The following TNIK variants were observed in gnomAD, a reference collection of about 807,000 sequenced individuals.
The protein encoded by TNIK is TRAF2 and NCK-interacting protein kinase.
A neutral mutation model predicts 191.3 loss-of-function variants in TNIK; 49 were observed. The observed-to-expected ratio is 0.26, with a 90% CI of 0.20 to 0.32. The LOEUF (loss-of-function observed/expected upper bound fraction) is 0.32, where lower values mean the gene tolerates loss of function less well. Among genes scored for constraint, TNIK ranks in the 10% least tolerant of loss-of-function variants. The pLI is 1.00. For synonymous variants in TNIK, 594 were observed against 600.9 expected, an observed-to-expected ratio of 0.99 and a Z score of 0.17; for missense variants, 1,155 against 1,702.3, an observed-to-expected ratio of 0.68 and a Z score of 5.66.
chr3:171,265,931 G>A (rs1748341754), intron 2 of TNIK, among the ~76,000 whole-genome samples: 1 of 152,174 alleles, frequency 6.6e-6, no homozygotes, highest in Non-Finnish European at 1.5e-5. Context: ...GTTATCCCAT[G>A]GCTCCTGGGG....
intron 7 of TNIK, among the ~76,000 whole-genome samples, chr3:171,186,741 C>T (rs184371986): frequency 2.0e-5 from 3 of 152,290 alleles, no homozygotes; most frequent in East Asian, 3.9e-4. Context: ...ACTTTTATAG[C>T]CAGGTGAGCC....
intron 2 of TNIK, among the ~76,000 whole-genome samples, chr3:171,339,719 C>T (rs143853292): frequency 1.2e-4 from 18 of 152,328 alleles, no homozygotes; most frequent in African/African-American, 4.3e-4. Context: ...TCTTGGGAAA[C>T]TCCACAAGCT....
intron 4 of TNIK, among the ~76,000 whole-genome samples, chr3:171,209,064 GGTGTGTGTGTGTGT>G (rs61264225): frequency 4.9e-5 from 7 of 142,118 alleles, no homozygotes; most frequent in African/African-American, 1.1e-4. Flanking sequence ...CTTTGGAAGG[GGTGTGTGTGTGTGT>G]GTGTGTGTGT....
chr3:171,066,865 T>A, intron 30 of TNIK, 130 bp from the exon 31 acceptor site: 2 of 1,122,558 alleles, frequency 1.8e-6, no homozygotes, highest in East Asian at 2.6e-5. Context: ...AAATTTGCTT[T>A]AATTTAACCA....
chr3:171,190,702 T>C lies in TNIK; in HGVS notation c.503A>G (p.Lys168Arg). The change falls in exon 6 of 33, where the codon AAA becomes AGA. Residue 168 changes from lysine to arginine, a missense_variant. By Grantham distance (26) the Lys-to-Arg change is conservative (BLOSUM62 2). Transcript: ENST00000436636. ...TCACAGGATTCTGCTCTTACCTAGTTTAACTTCTGCATTTTCAGTCAGCAA... is the reference window on the plus strand; with the variant it reads ...TCACAGGATTCTGCTCTTACCTAGTCTAACTTCTGCATTTTCAGTCAGCAA... ...NVLLTENAEV[K>R]LVDFGVSAQL... 6.3e-7 allele frequency: 1 copy of C among 1,587,934 alleles called. No individual in the cohort carries two copies. Among genetic ancestry groups the C allele is most frequent in the Non-Finnish European group, 8.6e-7 (1 of 1,165,216 alleles).
chr3:171,130,356 CA>C (rs1729075992), intron 15 of TNIK, among the ~76,000 whole-genome samples: 1 of 152,200 alleles, frequency 6.6e-6, no homozygotes, highest in Admixed American at 6.5e-5. Context: ...TCTCTTCCCC[CA>C]CCATGGCTGT....
rs1386063419 is a variant in TNIK at position 171,233,479 on chromosome 3, CATAG to C, written c.124-5262_124-5259del. Among the ~76,000 whole-genome samples the C allele has an allele frequency of 2.6e-5, 4 of 152,152 alleles. No individual in the cohort carries two copies. The East Asian group carries it at 7.7e-4, about 29-fold the overall frequency. On this transcript the variant is annotated intron_variant, in intron 2 of 32. Transcript: ENST00000436636. ...ATCTATCTATCATCTGTGTATCAAT[CATAG>C]ATGCTGCAGTGTGCCACCAAGATTC...
intron 12 of TNIK, among the ~76,000 whole-genome samples, chr3:171,151,189 A>T (rs1453147972): frequency 6.6e-6 from 1 of 152,238 alleles, no homozygotes; most frequent in Non-Finnish European, 1.5e-5. Context: ...GCTAAGATTA[A>T]ACCTTGGCCT....
Position 171,405,508 on chromosome 3 carries a change from T to TA in TNIK, c.58-35824dup, listed in dbSNP as rs10635709. Among the ~76,000 whole-genome samples, 150 of 144,400 alleles carry TA rather than the reference T, an allele frequency of 1.0e-3. 1 individual carries two copies. The highest frequency in any genetic ancestry group is 7.0e-3 in the Middle Eastern group (2 of 284). 94.7% of individuals were successfully genotyped at this position (144,400 alleles called of 152,430 possible). ...GACAACTCTCAATCACCAAATCTGGTAAAAAAAAAAAAATCACAACAAAAA... is the reference window on the plus strand; with the variant it reads ...GACAACTCTCAATCACCAAATCTGGTAAAAAAAAAAAAAATCACAACAAAAA... On this transcript the variant is annotated intron_variant, in intron 1 of 32. Coordinates refer to ENST00000436636, the MANE Select transcript of TNIK (RefSeq NM_015028.4).
At chr3:171,123,281 A>T (rs1413352042) in intron 18 of TNIK, among the ~76,000 whole-genome samples, 1 of 152,212 alleles carries the variant, frequency 6.6e-6, no homozygotes, top group East Asian at 1.9e-4. Flanking sequence ...GTAATGCTTT[A>T]GGGCATTGCA....
At chr3:171,174,195 T>A (rs1460738711) in intron 9 of TNIK, among the ~76,000 whole-genome samples, 1 of 152,140 alleles carries the variant, frequency 6.6e-6, no homozygotes, top group Non-Finnish European at 1.5e-5. Flanking sequence ...GTGGCTCTCA[T>A]TAGTAGATGA....
chr3:171,401,673 G>A (rs1003950880), intron 1 of TNIK, among the ~76,000 whole-genome samples: 1 of 152,164 alleles, frequency 6.6e-6, no homozygotes, highest in Non-Finnish European at 1.5e-5. Flanking sequence ...ACATCGTGGA[G>A]TGATTTTTCC....
In TNIK at chr3:171,093,971, GA is replaced by G. The variant is rs1176748029; in HGVS notation, c.2592-4del. 6.2e-7 allele frequency: 1 copy of G among 1,611,384 alleles called. No individual in the cohort carries two copies. The highest frequency in any genetic ancestry group is 1.1e-5 in the South Asian group (1 of 90,152). The stretch of plus-strand genomic sequence containing the variant: ...TGCTGCCTGGAGCTCCTGTTGGTCT[GA>G]GATGAGAAGGAACAACATTCATGGC... On this transcript the variant is annotated splice_polypyrimidine_tract_variant and splice_region_variant and intron_variant, in intron 22 of 32. Coordinates refer to ENST00000436636, the MANE Select transcript of TNIK (RefSeq NM_015028.4).
chr3:171,210,998 TG>T, intron 4 of TNIK, 117 bp downstream of exon 4: 2 of 1,278,842 alleles, frequency 1.6e-6, no homozygotes, highest in Non-Finnish European at 2.2e-6. Flanking sequence ...ACGGACATCA[TG>T]GGGGCTAATG....
rs183397154 is a variant in TNIK, at chr3:171,430,659, A to G, written c.57+29348T>C. ...CTCAAAAAACAGACAAAAAAAAAAA[A>G]AAAGAAATGAAATTAATATTGTTTT... On this transcript the variant is annotated intron_variant, in intron 1 of 32. Transcript: ENST00000436636. Among the ~76,000 whole-genome samples, 14 of 151,842 alleles carry G rather than the reference A, an allele frequency of 9.2e-5. No individual in the cohort carries two copies. The East Asian group carries it at 2.5e-3, about 27-fold the overall frequency.
chr3:171,080,447 T>A (rs11915856), intron 27 of TNIK, among the ~76,000 whole-genome samples: 3,704 of 120,096 alleles, frequency 0.031, 133 homozygotes, highest in African/African-American at 0.12. Flanking sequence ...TTATTTATTT[T>A]TTTTTGAGAC....
chr3:171,240,064 T>G (rs1363697307), intron 2 of TNIK, among the ~76,000 whole-genome samples: 2 of 152,186 alleles, frequency 1.3e-5, no homozygotes, highest in African/African-American at 4.8e-5. Flanking sequence ...TAGTTAAATT[T>G]AGCTGCGATC....
At chr3:171,190,930 T>TA in intron 5 of TNIK, 143 bp from the exon 6 acceptor site, 1 of 587,448 alleles carries the variant, frequency 1.7e-6, no homozygotes, top group East Asian at 2.9e-5. Flanking sequence ...CATGTGCTCA[T>TA]AGTGCTCTTC....
At chr3:171,425,785 G>A (rs1309716028) in intron 1 of TNIK, among the ~76,000 whole-genome samples, 6 of 148,112 alleles carry the variant, frequency 4.1e-5, no homozygotes, top group Non-Finnish European at 4.4e-5. Flanking sequence ...GGGAGATCAC[G>A]CCACTGTACT....
Sources: allele counts gnomAD v4.1 joint callset (sites outside exome capture counted in the v4.1 genomes callset), GRCh38; gene constraint gnomAD v4.1.1; transcripts MANE v1.5; gene names NCBI Gene and HGNC (gene_info 2026-07-23, HGNC 2026-07-21).